LAMC2: variants seen among roughly 807,000 people sequenced by gnomAD.
The protein encoded by LAMC2 is laminin subunit gamma-2.
In LAMC2, 97 loss-of-function variants were observed where a neutral mutation model predicts 140.2. The observed-to-expected ratio is 0.69, with a 90% confidence interval of 0.59 to 0.82. The LOEUF (loss-of-function observed/expected upper bound fraction) is 0.82, where lower values mean the gene tolerates loss of function less well. Ranked by LOEUF, LAMC2 falls within the 40% of genes least tolerant of loss-of-function variation. The pLI is 0.00. For synonymous variants in LAMC2, 513 were observed against 540.2 expected, an observed-to-expected ratio of 0.95 and a Z score of 0.70; for missense variants, 1,402 against 1,476.1, an observed-to-expected ratio of 0.95 and a Z score of 0.82.
At chr1:183,223,696 G>A (rs957522119) in intron 7 of LAMC2, among the ~76,000 whole-genome samples, 4 of 152,218 alleles carry the variant, frequency 2.6e-5, no homozygotes. Flanking sequence ...GAGAAGGGAG[G>A]AAAGGTTAAC....
intron 2 of LAMC2, 68 bp downstream of exon 2, chr1:183,208,137 A>G (rs1352269461): frequency 7.2e-7 from 1 of 1,390,416 alleles, no homozygotes; most frequent in Non-Finnish European, 1.0e-6. Flanking sequence ...GAAGGAAGGA[A>G]GGAGGAAAAG....
In LAMC2 at chr1:183,226,801, G is replaced by A. The variant is rs924091318; in HGVS notation, c.1170G>A (p.Gly390=). 4 of 1,614,060 alleles carry A rather than the reference G, an allele frequency of 2.5e-6. No individual in the cohort carries two copies. The highest frequency in any genetic ancestry group is 3.4e-6 in the Non-Finnish European group (4 of 1,180,020). ...GTATATGTCCTGTTGGGTACAAGGG[G>A]CAATTCTGCCAGGATTGTGCTTCTG... The part of the protein sequence containing the change: ...EQCICPVGYK[G]QFCQDCASGY... The change falls in exon 9 of 23, where the codon GGG becomes GGA. Residue 390 remains glycine (G), a synonymous_variant. Transcript: ENST00000264144.
Position 183,228,664 on chromosome 1 carries a change from A to G in LAMC2, c.1714+45A>G, listed in dbSNP as rs748279511. 1 of 1,610,996 alleles carries G rather than the reference A, an allele frequency of 6.2e-7. No homozygotes were observed. Among genetic ancestry groups the G allele is most frequent in the Non-Finnish European group, 8.5e-7 (1 of 1,179,314 alleles). ...AGGCTGTGTCTGTGCGTGCCTGTGT[A>G]CGTATGCACTTGCTTGCCATCTAAG... On this transcript the variant is annotated intron_variant, in intron 11 of 22. Coordinates refer to ENST00000264144, the MANE Select transcript of LAMC2 (RefSeq NM_005562.3). This position sits in a 1 kb window ranked among gnomAD's most constrained non-coding sequence, Gnocchi z 4.3.
At chr1:183,256,977 C>G in the LAMC2 span, among the ~76,000 whole-genome samples, 1 of 151,974 alleles carries the variant, frequency 6.6e-6, no homozygotes, top group Non-Finnish European at 1.5e-5. Context: ...ATCTTGAACT[C>G]CTGACCTCAA....
Position 183,223,213 on chromosome 1 carries a change from ACCCATCTGCCCATGATGTGATT to A in LAMC2, c.844_865del (p.Pro282TrpfsTer12). 1.2e-6 allele frequency: 2 copies of A among 1,613,754 alleles called. No homozygotes were observed. The highest frequency in any genetic ancestry group is 1.7e-6 in the Non-Finnish European group (2 of 1,179,646). ...TACCGTGTGGACAGAGGAGGCAGAC[ACCCATCTGCCCATGATGTGATT>A]CTGGAAGGTGCTGGTCTACGGATCA... On this transcript the variant is annotated frameshift_variant, in exon 7 of 23. Transcript: ENST00000264144. LOFTEE classifies it high-confidence loss of function.
intron 13 of LAMC2, 70 bp from the exon 14 acceptor site, chr1:183,232,582 C>T (rs1196529365): frequency 5.7e-6 from 8 of 1,394,050 alleles, no homozygotes; most frequent in African/African-American, 1.4e-5. Context: ...CCAGTCAACC[C>T]TCCGTTATGT....
chr1:183,210,036 G>A (rs889747288), intron 2 of LAMC2, among the ~76,000 whole-genome samples: 8 of 152,138 alleles, frequency 5.3e-5, no homozygotes, highest in Admixed American at 6.5e-5. Flanking sequence ...ACTTTTCTAG[G>A]TGCTTTTAAT....
intron 2 of LAMC2, 131 bp from the exon 3 acceptor site, chr1:183,215,322 G>A (rs1659217307): frequency 1.0e-6 from 1 of 1,002,512 alleles, no homozygotes; most frequent in Admixed American, 2.0e-5. Flanking sequence ...TGAAGTGACT[G>A]TTAAAAGCAG....
intron 7 of LAMC2, 142 bp from the exon 8 acceptor site, chr1:183,225,466 A>G: frequency 1.5e-6 from 1 of 687,302 alleles, no homozygotes; most frequent in Non-Finnish European, 2.7e-6. Context: ...TGCCTATGAA[A>G]AGGTGGCTCT....
chr1:183,229,887 C>G (rs1027293445), intron 11 of LAMC2, among the ~76,000 whole-genome samples: 3 of 152,122 alleles, frequency 2.0e-5, no homozygotes, highest in East Asian at 1.9e-4. Context: ...TAGAAAGCAC[C>G]TTATGAGAGG....
chr1:183,209,999 G>A (rs998630392), intron 2 of LAMC2, among the ~76,000 whole-genome samples: 9 of 152,142 alleles, frequency 5.9e-5, no homozygotes, highest in Admixed American at 1.3e-4. Flanking sequence ...TAGTTAACAT[G>A]TGCCATGTGC....
rs1417914776 is a variant in LAMC2 at position 183,240,370 on chromosome 1, G to A, written c.3307G>A (p.Asp1103Asn). 2.5e-6 allele frequency: 4 copies of A among 1,614,074 alleles called. No individual in the cohort carries two copies. Among genetic ancestry groups the A allele is most frequent in the Admixed American group, 3.3e-5 (2 of 59,996 alleles). ...AATCCAAGACACACTCAACACATTA[G>A]ACGGCCTCCTGCATCTGATGGGTAT... The part of the protein sequence containing the change: ...VTIQDTLNTL[D>N]GLLHLMDQPL... The change falls in exon 22 of 23, where the codon GAC becomes AAC. Residue 1103 changes from aspartate to asparagine, a missense_variant. This residue lies in a region of LAMC2 where 670 missense variants were observed against 667.2 expected (regional missense o/e 1.00). Coordinates refer to ENST00000264144, the MANE Select transcript of LAMC2 (RefSeq NM_005562.3).
chr1:183,256,298 A>G, the LAMC2 span, among the ~76,000 whole-genome samples: 1 of 151,990 alleles, frequency 6.6e-6, no homozygotes, highest in African/African-American at 2.4e-5. Flanking sequence ...AATCCCAGCT[A>G]CTTAGGAGGC....
chr1:183,228,698 A>C lies in LAMC2; in HGVS notation c.1714+79A>C. Reference sequence around the variant, plus strand: ...CTTGCTTGCCATCTAAGCAGGGACAATGGCAGTTCATATCATGATGTTACT... The same window carrying C: ...CTTGCTTGCCATCTAAGCAGGGACACTGGCAGTTCATATCATGATGTTACT... On this transcript the variant is annotated intron_variant, in intron 11 of 22. Transcript: ENST00000264144. The surrounding 1 kb of genome is among the most constrained non-coding windows in gnomAD (Gnocchi z 4.3). The C allele has an allele frequency of 1.3e-6, 2 of 1,563,302 alleles. No homozygotes were observed. The highest frequency in any genetic ancestry group is 1.7e-5 in the Admixed American group (1 of 59,946).
At position 183,243,276 on chromosome 1, in the gene LAMC2, G is replaced by C. The variant is rs371544411; in HGVS notation, c.3458G>C (p.Arg1153Thr). 6.2e-7 allele frequency: 1 copy of C among 1,614,058 alleles called. No individual in the cohort carries two copies. The highest frequency in any genetic ancestry group is 1.3e-5 in the African/African-American group (1 of 74,914). The change falls in exon 23 of 23, where the codon AGG (arginine) becomes ACG (threonine). Residue 1153 changes from arginine (R) to threonine (T), a missense_variant. Arg to Thr is a moderately conservative substitution (Grantham distance 71). Transcript: ENST00000264144. Reference sequence around the variant, plus strand: ...CTGGAAGAGAGGGCACGTCAGCAGAGGGGCCACCTCCATTTGCTGGAGACA... The same window carrying C: ...CTGGAAGAGAGGGCACGTCAGCAGACGGGCCACCTCCATTTGCTGGAGACA... ...SELEERARQQ[R>T]GHLHLLETSI...
chr1:183,200,988 T>G (rs998646459), intron 1 of LAMC2, among the ~76,000 whole-genome samples: 1 of 152,238 alleles, frequency 6.6e-6, no homozygotes, highest in Non-Finnish European at 1.5e-5. Flanking sequence ...TGTGAAAATC[T>G]GACTCAAATG....
chr1:183,257,785 TG>T, the LAMC2 span, among the ~76,000 whole-genome samples: 7 of 150,832 alleles, frequency 4.6e-5, no homozygotes, highest in African/African-American at 1.7e-4. Context: ...TTGTCAATTT[TG>T]TTTTTTTTTT....
At chr1:183,243,068 G>A in intron 22 of LAMC2, 79 bp from the exon 23 acceptor site, 1 of 1,501,738 alleles carries the variant, frequency 6.7e-7, no homozygotes, top group South Asian at 1.1e-5. Flanking sequence ...ATTAGTTATG[G>A]GTATAGAAGG....
At chr1:183,197,846 GACTC>G (rs1425102500) in intron 1 of LAMC2, among the ~76,000 whole-genome samples, 4 of 152,122 alleles carry the variant, frequency 2.6e-5, no homozygotes, top group Non-Finnish European at 2.9e-5. Context: ...ACCCAAGGGA[GACTC>G]AGACTGAGAC....
Sources: allele counts gnomAD v4.1 joint callset (sites outside exome capture counted in the v4.1 genomes callset), GRCh38; gene constraint gnomAD v4.1.1; regional missense constraint gnomAD v4.1.1; non-coding constraint Gnocchi (gnomAD v3.1); transcripts MANE v1.5; gene names NCBI Gene and HGNC (gene_info 2026-07-23, HGNC 2026-07-21).